ARMC9: variants seen among roughly 807,000 people sequenced by gnomAD.
ARMC9 encodes the protein armadillo repeat containing 9.
A neutral mutation model predicts 107.0 loss-of-function variants in ARMC9; 94 were observed. That is an observed-to-expected ratio of 0.88 (90% CI 0.74 to 1.04). The LOEUF (loss-of-function observed/expected upper bound fraction) is 1.04, where lower values mean the gene tolerates loss of function less well. Among genes scored for constraint, ARMC9 ranks in the 50% least tolerant of loss-of-function variants. The pLI is 0.00. For missense variants in ARMC9, 942 were observed against 1,030.1 expected (o/e 0.91, Z 1.17); for synonymous variants, 380 against 396.9 (o/e 0.96, Z 0.51).
At chr2:231,251,947 A>T (rs1213461475) in intron 9 of ARMC9, among the ~76,000 whole-genome samples, 2 of 152,046 alleles carry the variant, frequency 1.3e-5, no homozygotes, top group Non-Finnish European at 2.9e-5. Context: ...GCCTTCTCTC[A>T]TTGAGAGCAT....
intron 19 of ARMC9, among the ~76,000 whole-genome samples, chr2:231,319,624 A>G (rs1559456538): frequency 6.6e-6 from 1 of 152,184 alleles, no homozygotes; most frequent in Non-Finnish European, 1.5e-5. Flanking sequence ...GTGTCTACAC[A>G]CTGTGGCTCA....
At chr2:231,312,324 A>G (rs559578830) in intron 19 of ARMC9, among the ~76,000 whole-genome samples, 6 of 152,348 alleles carry the variant, frequency 3.9e-5, no homozygotes, top group Non-Finnish European at 5.9e-5. Flanking sequence ...GGAAGCTTCC[A>G]GTCCTCTTGA....
At chr2:231,361,518 G>C (rs550331292) in intron 23 of ARMC9, among the ~76,000 whole-genome samples, 5 of 148,576 alleles carry the variant, frequency 3.4e-5, no homozygotes, top group Non-Finnish European at 7.4e-5. Context: ...AAAAAAAATA[G>C]TGTCCTCTCT....
chr2:231,267,507 A>T (rs931071481), intron 12 of ARMC9, among the ~76,000 whole-genome samples: 9 of 152,376 alleles, frequency 5.9e-5, no homozygotes, highest in South Asian at 4.1e-4. Flanking sequence ...CTGGGATTAC[A>T]GGTGTGAACC....
intron 20 of ARMC9, among the ~76,000 whole-genome samples, chr2:231,342,477 T>C (rs2044574984): frequency 6.6e-6 from 1 of 152,072 alleles, no homozygotes. Context: ...GGCAGAGGAC[T>C]AGTCACAGGC....
intron 23 of ARMC9, among the ~76,000 whole-genome samples, chr2:231,364,199 G>A (rs181204087): frequency 1.8e-3 from 281 of 152,304 alleles, no homozygotes; most frequent in African/African-American, 5.7e-3. Flanking sequence ...TCTCAGCATG[G>A]CCCTGCCACT....
intron 21 of ARMC9, among the ~76,000 whole-genome samples, chr2:231,352,485 T>TTTA (rs1553635569): frequency 0.072 from 10,884 of 151,516 alleles, 1,161 homozygotes; most frequent in African/African-American, 0.23. Context: ...TATTTTATTT[T>TTTA]TTTATTTATT....
intron 4 of ARMC9, 55 bp from the exon 5 acceptor site, chr2:231,216,583 A>G (rs2033527110): frequency 6.4e-7 from 1 of 1,566,982 alleles, no homozygotes; most frequent in Non-Finnish European, 8.7e-7. Flanking sequence ...TGGGGTGAGC[A>G]GATAGACTGG....
At chr2:231,291,823 A>C (rs2041019747) in intron 18 of ARMC9, among the ~76,000 whole-genome samples, 1 of 150,536 alleles carries the variant, frequency 6.6e-6, no homozygotes, top group Non-Finnish European at 1.5e-5. Context: ...TCAAAAAAAA[A>C]AAAGAGGCCT....
At chr2:231,324,653 A>G (rs1004875497) in intron 19 of ARMC9, among the ~76,000 whole-genome samples, 4 of 151,908 alleles carry the variant, frequency 2.6e-5, no homozygotes, top group Admixed American at 2.6e-4. Flanking sequence ...CTGAGGCGAG[A>G]GAATCACTTG....
intron 4 of ARMC9, among the ~76,000 whole-genome samples, chr2:231,216,201 T>G (rs577938517): frequency 2.0e-5 from 3 of 152,194 alleles, no homozygotes; most frequent in South Asian, 4.1e-4. Flanking sequence ...AAGAAATGCC[T>G]GTTAATCTTT....
intron 17 of ARMC9, among the ~76,000 whole-genome samples, chr2:231,286,407 G>C (rs527241192): frequency 6.6e-6 from 1 of 152,150 alleles, no homozygotes; most frequent in Non-Finnish European, 1.5e-5. Context: ...GAGCCACCGC[G>C]CCCGGTGCCT....
intron 8 of ARMC9, among the ~76,000 whole-genome samples, chr2:231,237,275 G>T (rs1364974654): frequency 6.6e-6 from 1 of 151,766 alleles, no homozygotes; most frequent in Non-Finnish European, 1.5e-5. Context: ...CTGAAACTTG[G>T]TATTTCTCTT....
chr2:231,256,105 C>T (rs2037768768), intron 9 of ARMC9: 3 of 1,550,846 alleles, frequency 1.9e-6, no homozygotes, highest in Non-Finnish European at 2.6e-6. Flanking sequence ...TCATGGACAC[C>T]AGCCGTGTGC....
chr2:231,281,983 G>C, intron 16 of ARMC9, 76 bp from the exon 17 acceptor site: 1 of 1,394,010 alleles, frequency 7.2e-7, no homozygotes, highest in Non-Finnish European at 1.0e-6. Flanking sequence ...AGATTGTTCT[G>C]AGGTGTGGTG....
intron 19 of ARMC9, among the ~76,000 whole-genome samples, chr2:231,324,371 C>A (rs2043190731): frequency 6.6e-6 from 1 of 151,108 alleles, no homozygotes; most frequent in East Asian, 2.0e-4. Flanking sequence ...CGTAATCCGC[C>A]CACCTCGGCC....
In ARMC9 at chr2:231,222,807, T is replaced by C; in HGVS notation, c.584T>C (p.Leu195Pro). The change falls in exon 6 of 25, where the codon CTT (leucine) becomes CCT (proline). Residue 195 changes from leucine to proline, a missense_variant. Coordinates refer to ENST00000611582, the MANE Select transcript of ARMC9 (RefSeq NM_001352754.2). ...TCTAAAGCCAGCAACACGCCAAAGC[T>C]TTTAACAATATATGTATCCTTTTGA... ...LISKASNTPK[L>P]LTIYKENGQS... The C allele has an allele frequency of 6.3e-7, 1 of 1,583,918 alleles. No homozygotes were observed. Among genetic ancestry groups the C allele is most frequent in the Non-Finnish European group, 8.7e-7 (1 of 1,154,966 alleles).
intron 9 of ARMC9, among the ~76,000 whole-genome samples, chr2:231,248,280 G>A (rs138065794): frequency 6.6e-6 from 1 of 152,246 alleles, no homozygotes; most frequent in East Asian, 1.9e-4. Flanking sequence ...TTCCCTCTTG[G>A]CTTAATGTCA....
chr2:231,324,431 T>C (rs1273078414), intron 19 of ARMC9, among the ~76,000 whole-genome samples: 10 of 148,308 alleles, frequency 6.7e-5, no homozygotes, highest in African/African-American at 2.5e-4. Context: ...GTACGTTTAA[T>C]TAAAAAACAG....
Sources: gnomAD v4.1 joint callset for allele counts (sites outside exome capture counted in the v4.1 genomes callset) on GRCh38, gnomAD v4.1.1 for gene constraint, MANE v1.5 for transcripts, NCBI Gene and HGNC (gene_info 2026-07-23, HGNC 2026-07-21) for gene names.